CYTH3: variants seen among roughly 807,000 people sequenced by gnomAD.
CYTH3 encodes the protein cytohesin 3.
CYTH3 carries 23 observed loss-of-function variants against 55.1 expected under a neutral mutation model. The observed-to-expected ratio is 0.42, with a 90% confidence interval of 0.30 to 0.59. The LOEUF (loss-of-function observed/expected upper bound fraction) is 0.59. Among genes scored for constraint, CYTH3 ranks in the 20% least tolerant of loss-of-function variants. The pLI is 0.20. For synonymous variants in CYTH3, 249 were observed against 194.9 expected, an observed-to-expected ratio of 1.28 and a Z score of -2.31; for missense variants, 413 against 524.8, an observed-to-expected ratio of 0.79 and a Z score of 2.08.
At chr7:6,224,703 C>T (rs1244605120) in intron 1 of CYTH3, among the ~76,000 whole-genome samples, 1 of 152,198 alleles carries the variant, frequency 6.6e-6, no homozygotes, top group Non-Finnish European at 1.5e-5. Context: ...AATTCTACTT[C>T]TACGTATATA....
chr7:6,216,627 G>C (rs907683900), intron 1 of CYTH3, among the ~76,000 whole-genome samples: 4 of 151,930 alleles, frequency 2.6e-5, no homozygotes, highest in African/African-American at 9.7e-5. Context: ...TATGGTCCCA[G>C]CTACACAGGA....
At chr7:6,194,270 G>A (rs922162750) in intron 1 of CYTH3, among the ~76,000 whole-genome samples, 2 of 152,134 alleles carry the variant, frequency 1.3e-5, no homozygotes, top group Non-Finnish European at 2.9e-5. Context: ...TCTTTAATAC[G>A]TGTACAACTG....
chr7:6,222,393 G>A (rs1372273500), intron 1 of CYTH3, among the ~76,000 whole-genome samples: 1 of 152,176 alleles, frequency 6.6e-6, no homozygotes, highest in Admixed American at 6.5e-5. Context: ...CTGAAGAGAG[G>A]AGTCATTAAC....
At chr7:6,238,711 A>G (rs998948722) in intron 1 of CYTH3, among the ~76,000 whole-genome samples, 7 of 152,220 alleles carry the variant, frequency 4.6e-5, no homozygotes, top group African/African-American at 1.7e-4. Context: ...TGACATGTCA[A>G]TGTAGGTTCA....
Position 6,165,772 on chromosome 7 carries a change from G to C in CYTH3, c.862C>G (p.Leu288Val). The C allele has an allele frequency of 6.2e-7, 1 of 1,614,138 alleles. No individual in the cohort carries two copies. The highest frequency in any genetic ancestry group is 8.5e-7 in the Non-Finnish European group (1 of 1,180,012). Residue 288 changes from leucine (L) to valine (V), a missense_variant, in exon 10 of 13, where the codon CTG becomes GTG. Around this residue, in one of 4 missense-constraint regions of CYTH3, gnomAD observed 156 missense variants for 233.1 expected, o/e 0.67. Transcript: ENST00000350796. ...AAGTAATAGAGGCAGTTATCGGTCA[G>C]GATGAACCACCGGCGCTTCCAGGTC... Reference protein sequence around the residue: ...VKTWKRRWFILTDNCLYYFEY... With the variant: ...VKTWKRRWFIVTDNCLYYFEY...
At chr7:6,185,748 C>T (rs948116381) in intron 4 of CYTH3, among the ~76,000 whole-genome samples, 2 of 151,854 alleles carry the variant, frequency 1.3e-5, no homozygotes, top group Non-Finnish European at 2.9e-5. Flanking sequence ...TACCTGCAGT[C>T]CCAGACCTGC....
Position 6,165,557 on chromosome 7 carries a change from G to T in CYTH3, c.960C>A (p.Asp320Glu), listed in dbSNP as rs766331224. 4.3e-6 allele frequency: 7 copies of T among 1,614,024 alleles called. No individual in the cohort carries two copies. In the Admixed American group the frequency reaches 5.0e-5, roughly 12 times the overall value. ...LENLSIREVE[D>E]PRKPNCFELY... is the part of the protein sequence containing the mutation. ...AGGAAGAGCTTACGGGTTTCCGGGG[G>T]TCCTCCACCTCCCTGATGCTGAGGT... Residue 320 changes from aspartate to glutamate, a missense_variant, in exon 11 of 13, where the codon GAC (aspartate) becomes GAA (glutamate). Physicochemically the swap from Asp to Glu is conservative, Grantham distance 45. Coordinates refer to ENST00000350796, the MANE Select transcript of CYTH3 (RefSeq NM_004227.4).
At chr7:6,180,440 A>C (rs189952790) in intron 4 of CYTH3, among the ~76,000 whole-genome samples, 6 of 152,330 alleles carry the variant, frequency 3.9e-5, no homozygotes, top group African/African-American at 1.2e-4. Flanking sequence ...AGAAGGCCAC[A>C]AGACAATGGA....
At chr7:6,192,019 G>A (rs1025567861) in intron 1 of CYTH3, among the ~76,000 whole-genome samples, 1 of 152,008 alleles carries the variant, frequency 6.6e-6, no homozygotes, top group Non-Finnish European at 1.5e-5. Flanking sequence ...GTTTGAGGCT[G>A]CAGTGAGCTA....
Position 6,173,905 on chromosome 7 carries a change from G to A in CYTH3, c.369-172C>T, listed in dbSNP as rs1783266751. The stretch of plus-strand genomic sequence containing the variant: ...GAGGCAGGGCTGGCCATGTTACCCA[G>A]GCTGGTCTGCAACTCCTGGGCTCAA... On this transcript the variant is annotated intron_variant, in intron 5 of 12. Coordinates refer to ENST00000350796, the MANE Select transcript of CYTH3 (RefSeq NM_004227.4). Among the ~76,000 whole-genome samples, 3 of 152,140 alleles carry A rather than the reference G, an allele frequency of 2.0e-5. No homozygotes were observed. In the South Asian group the frequency reaches 6.2e-4, roughly 32 times the overall value.
chr7:6,247,902 A>T (rs999192782), intron 1 of CYTH3, among the ~76,000 whole-genome samples: 1 of 151,914 alleles, frequency 6.6e-6, no homozygotes, highest in Non-Finnish European at 1.5e-5. Context: ...CCTGGGCTCC[A>T]GTGATCCCCC....
At chr7:6,211,305 T>C (rs1392895339) in intron 1 of CYTH3, among the ~76,000 whole-genome samples, 1 of 152,246 alleles carries the variant, frequency 6.6e-6, no homozygotes, top group African/African-American at 2.4e-5. Flanking sequence ...GGCTGTTGTA[T>C]TTCTTTCATA....
intron 1 of CYTH3, among the ~76,000 whole-genome samples, chr7:6,222,260 G>C (rs1048118235): frequency 1.3e-5 from 2 of 152,156 alleles, no homozygotes; most frequent in African/African-American, 4.8e-5. Context: ...GGAAGATTAG[G>C]GCTTAGTCAT....
intron 4 of CYTH3, among the ~76,000 whole-genome samples, chr7:6,184,099 C>T (rs1422474178): frequency 7.7e-5 from 9 of 117,394 alleles, no homozygotes; most frequent in African/African-American, 2.4e-4. Context: ...CTCGCTCTGT[C>T]GCCCAGGCTG....
At chr7:6,259,778 A>AT (rs1780263554) in intron 1 of CYTH3, among the ~76,000 whole-genome samples, 1 of 20,032 alleles carries the variant, frequency 5.0e-5, no homozygotes, top group Non-Finnish European at 6.4e-5. Flanking sequence ...TATATTATAT[A>AT]TATATAATAT....
intron 1 of CYTH3, among the ~76,000 whole-genome samples, chr7:6,245,636 A>G (rs1189433691): frequency 6.6e-6 from 1 of 152,204 alleles, no homozygotes; most frequent in Non-Finnish European, 1.5e-5. Flanking sequence ...CGGGCATGGC[A>G]GCTCACGCCT....
intron 1 of CYTH3, among the ~76,000 whole-genome samples, chr7:6,234,607 G>A (rs1426277986): frequency 2.0e-5 from 3 of 152,210 alleles, no homozygotes; most frequent in Non-Finnish European, 1.5e-5. Flanking sequence ...TCCCACACCT[G>A]TGACTGGAAG....
intron 4 of CYTH3, among the ~76,000 whole-genome samples, chr7:6,179,800 CCA>C (rs367742194): frequency 9.8e-5 from 12 of 122,970 alleles, no homozygotes; most frequent in African/African-American, 3.2e-4. Flanking sequence ...CACACACCCA[CCA>C]CACACACCAC....
At chr7:6,256,879 G>A (rs969844866) in intron 1 of CYTH3, among the ~76,000 whole-genome samples, 8 of 152,196 alleles carry the variant, frequency 5.3e-5, no homozygotes, top group Non-Finnish European at 8.8e-5. Flanking sequence ...GCGGGACAAC[G>A]TGTGGCGAGC....
Sources: allele counts gnomAD v4.1 joint callset (sites outside exome capture counted in the v4.1 genomes callset), GRCh38; gene constraint gnomAD v4.1.1; regional missense constraint gnomAD v4.1.1; transcripts MANE v1.5; gene names NCBI Gene and HGNC (gene_info 2026-07-23, HGNC 2026-07-21).